The following KDM5C variants were observed in gnomAD, a reference collection of about 807,000 sequenced individuals.
The protein encoded by KDM5C is lysine demethylase 5C, also known as lysine-specific demethylase 5C.
A neutral mutation model predicts 110.6 loss-of-function variants in KDM5C; 16 were observed. The ratio of observed to expected loss-of-function variants is 0.14; its 90% CI spans 0.10 to 0.22. KDM5C has a LOEUF of 0.22. KDM5C is among the 10% of genes least tolerant of loss of function. The probability of loss-of-function intolerance (pLI) is 1.00; values close to 1 mark genes in which losing one functional copy is unlikely to be tolerated. For missense variants in KDM5C, 681 were observed against 1,300.9 expected (o/e 0.52, Z 7.33); for synonymous variants, 511 against 520.4 (o/e 0.98, Z 0.24).
intron 14 of KDM5C, 126 bp downstream of exon 14, chrX:53,201,424 T>A: frequency 1.6e-6 from 1 of 644,591 alleles, no homozygotes; most frequent in South Asian, 2.3e-5. Context: ...TATGTGGTTT[T>A]CAATCGAGAT....
chrX:53,217,647 A>G, intron 4 of KDM5C, 149 bp downstream of exon 4: 1 of 623,389 alleles, frequency 1.6e-6, no homozygotes, highest in Non-Finnish European at 2.6e-6. Context: ...TCTGACCCTG[A>G]GCAGTGTAGA....
chrX:53,213,460 G>A (rs1383116373), intron 8 of KDM5C, among the ~76,000 whole-genome samples: 2 of 112,178 alleles, frequency 1.8e-5, no homozygotes, highest in East Asian at 2.8e-4. Flanking sequence ...AATCCAGAGG[G>A]AAATGTAGAA....
In KDM5C at chrX:53,218,471, G is replaced by A. The variant is rs1233957805; in HGVS notation, c.229-73C>T. ...CACTATCTTTGGGTCCAGTCTTAGG[G>A]GAGAACAGAGGAATACAGCACTCCA... On this transcript the variant is annotated intron_variant, in intron 2 of 25. Transcript: ENST00000375401. 1.4e-5 allele frequency: 15 copies of A among 1,096,291 alleles called. No individual in the cohort carries two copies. In the East Asian group the frequency reaches 3.0e-4, roughly 22 times the overall value. 90.3% of individuals were successfully genotyped at this position (1,096,291 alleles called of 1,213,427 possible). A position where few individuals can be genotyped will look rare whatever the true frequency, so the allele number is the denominator to read the frequency against.
At chrX:53,202,657 T>C (rs925269057) in intron 12 of KDM5C, 3 of 112,158 alleles carry the variant, frequency 2.7e-5, no homozygotes, top group African/African-American at 6.5e-5. Flanking sequence ...ATTTCCTAGA[T>C]CCCACGTCTT....
chrX:53,197,924 C>T, intron 17 of KDM5C, 48 bp from the exon 18 acceptor site: 2 of 919,190 alleles, frequency 2.2e-6, no homozygotes, highest in Non-Finnish European at 3.1e-6. Flanking sequence ...CAGTGCCTTC[C>T]CTCCATGTCT....
chrX:53,224,898 C>T lies in KDM5C; in HGVS notation c.-9G>A. 3 of 1,202,154 alleles carry T rather than the reference C, an allele frequency of 2.5e-6. No homozygotes were observed. The highest frequency in any genetic ancestry group is 3.4e-6 in the Non-Finnish European group (3 of 889,738). On this transcript the variant is annotated 5_prime_UTR_variant, in exon 1 of 26. Coordinates refer to ENST00000375401, the MANE Select transcript of KDM5C (RefSeq NM_004187.5). ...TCGGACCCCGGCTCCATGGTGGGCC[C>T]GAGGTCTGGGCCAGGGATCGGGAGG...
At chrX:53,181,441 G>C (rs920156787) in intron 25 of KDM5C, among the ~76,000 whole-genome samples, 4 of 110,519 alleles carry the variant, frequency 3.6e-5, no homozygotes, top group Admixed American at 9.7e-5. Flanking sequence ...CCCAGTCTAT[G>C]GGGCTGGTCC....
At chrX:53,216,283 C>T in intron 5 of KDM5C, 86 bp from the exon 6 acceptor site, 3 of 1,148,095 alleles carry the variant, frequency 2.6e-6, no homozygotes, top group Non-Finnish European at 3.5e-6. Flanking sequence ...GACTACATAT[C>T]ACCTGATCTC....
intron 20 of KDM5C, chrX:53,195,619 T>A (rs1476958078): frequency 4.1e-6 from 2 of 489,387 alleles, no homozygotes; most frequent in African/African-American, 4.7e-5. Flanking sequence ...GTCAGCCTTC[T>A]GTTGTGGTTT....
intron 25 of KDM5C, among the ~76,000 whole-genome samples, chrX:53,183,122 T>C (rs1413410270): frequency 4.5e-5 from 5 of 110,030 alleles, no homozygotes; most frequent in African/African-American, 1.7e-4. Context: ...GACTTGGCAC[T>C]CTTGTAAAAC....
intron 25 of KDM5C, among the ~76,000 whole-genome samples, chrX:53,186,159 G>T (rs782164408): frequency 9.0e-6 from 1 of 111,482 alleles, no homozygotes; most frequent in Admixed American, 9.6e-5. Flanking sequence ...CTTACACTGG[G>T]CCCAGAAGAA....
chrX:53,176,525 T>A (rs1290329928), exon 26 of KDM5C, among the ~76,000 whole-genome samples: 8 of 110,231 alleles, frequency 7.3e-5, no homozygotes, highest in Non-Finnish European at 1.3e-4. Flanking sequence ...AGAAGAGGAG[T>A]TTGTCAACAG....
At chrX:53,208,667 G>C (rs1215847618) in intron 12 of KDM5C, among the ~76,000 whole-genome samples, 1 of 105,197 alleles carries the variant, frequency 9.5e-6, no homozygotes, top group Non-Finnish European at 1.9e-5. Context: ...CACCACGCCC[G>C]GCTAATTCTG....
At chrX:53,184,970 T>C (rs1310178729) in intron 25 of KDM5C, among the ~76,000 whole-genome samples, 3 of 112,053 alleles carry the variant, frequency 2.7e-5, no homozygotes, top group East Asian at 2.8e-4. Context: ...AGAAATTCCA[T>C]GGTACAGTGT....
At chrX:53,202,171 G>A in intron 12 of KDM5C, 198 bp from the exon 13 acceptor site, 2 of 431,923 alleles carry the variant, frequency 4.6e-6, no homozygotes, top group Non-Finnish European at 7.8e-6. Flanking sequence ...TGAGATGATA[G>A]GAAGATTTGA....
intron 25 of KDM5C, among the ~76,000 whole-genome samples, chrX:53,178,579 T>G (rs1556824892): frequency 8.9e-6 from 1 of 112,004 alleles, no homozygotes; most frequent in African/African-American, 3.2e-5. Context: ...TTCACTGCCC[T>G]CAAAAAAGAA....
intron 12 of KDM5C, among the ~76,000 whole-genome samples, chrX:53,209,967 TAAC>T (rs781784449): frequency 1.8e-5 from 2 of 112,381 alleles, no homozygotes; most frequent in Non-Finnish European, 3.8e-5. Flanking sequence ...TCTTCTGTCA[TAAC>T]AACATGACCT....
intron 1 of KDM5C, among the ~76,000 whole-genome samples, chrX:53,223,914 G>A (rs2073961499): frequency 8.9e-6 from 1 of 112,099 alleles, no homozygotes. Flanking sequence ...CAAGTCTGCG[G>A]GATGATGTGC....
Position 53,201,723 on chromosome X carries a change from T to C in KDM5C, c.1888A>G (p.Ile630Val), listed in dbSNP as rs782588048. 8.3e-7 allele frequency: 1 copy of C among 1,211,935 alleles called. No homozygotes were observed. Among genetic ancestry groups the C allele is most frequent in the Admixed American group, 2.2e-5 (1 of 46,072 alleles). ...ADWLPAGRQC[I>V]EHYRRLRRYC... ...CTCCGGAGCCGGCGGTAGTGCTCAATGCACTGGCGCCCAGCAGGCAACTGT... is the reference window on the plus strand; with the variant it reads ...CTCCGGAGCCGGCGGTAGTGCTCAACGCACTGGCGCCCAGCAGGCAACTGT... Residue 630 changes from isoleucine (I) to valine (V), a missense_variant, in exon 14 of 26, where the codon ATT (isoleucine) becomes GTT (valine). Around this residue, in one of 14 missense-constraint regions of KDM5C, gnomAD observed 41 missense variants for 205.9 expected, o/e 0.20. Transcript: ENST00000375401.
Sources: gnomAD v4.1 joint callset for allele counts (sites outside exome capture counted in the v4.1 genomes callset) on GRCh38, gnomAD v4.1.1 for gene constraint, gnomAD v4.1.1 regional missense constraint, MANE v1.5 for transcripts, NCBI Gene and HGNC (gene_info 2026-07-23, HGNC 2026-07-21) for gene names.